SDK1: variants seen among roughly 807,000 people sequenced by gnomAD.
The protein encoded by SDK1 is sidekick cell adhesion molecule 1.
SDK1 carries 157 observed loss-of-function variants against 245.5 expected under a neutral mutation model. The ratio of observed to expected loss-of-function variants is 0.64; its 90% CI spans 0.56 to 0.73. SDK1 has a LOEUF of 0.73. Ranked by LOEUF, SDK1 falls within the 30% of genes least tolerant of loss-of-function variation. SDK1 has a pLI of 0.00. For missense variants in SDK1, 3,583 were observed against 3,002.3 expected, an observed-to-expected ratio of 1.19 and a Z score of -4.52; for synonymous variants, 1,647 against 1,278.5, an observed-to-expected ratio of 1.29 and a Z score of -6.15.
intron 25 of SDK1, 121 bp downstream of exon 25, chr7:4,114,395 G>A: frequency 1.3e-6 from 1 of 767,662 alleles, no homozygotes; most frequent in Non-Finnish European, 2.0e-6. Context: ...TGTCTGTCTT[G>A]GAGCTTTCCT....
At chr7:3,587,757 CA>C in intron 1 of SDK1, among the ~76,000 whole-genome samples, 1 of 152,362 alleles carries the variant, frequency 6.6e-6, no homozygotes, top group South Asian at 2.1e-4. Context: ...CTCAAGTTGA[CA>C]AAAGTACACT....
At chr7:3,963,005 C>T (rs1489035721) in intron 9 of SDK1, among the ~76,000 whole-genome samples, 154 bp downstream of exon 9, 2 of 128,740 alleles carry the variant, frequency 1.6e-5, no homozygotes, top group Non-Finnish European at 3.2e-5. Context: ...CCATGGCTAC[C>T]TGGATGTAAC....
chr7:3,662,209 A>C (rs1008664373), intron 4 of SDK1, among the ~76,000 whole-genome samples: 3 of 152,182 alleles, frequency 2.0e-5, no homozygotes, highest in Non-Finnish European at 4.4e-5. Flanking sequence ...GGTAAAATGG[A>C]ACTGATGGAT....
chr7:4,078,074 A>T (rs756322216), intron 21 of SDK1, among the ~76,000 whole-genome samples: 1 of 152,232 alleles, frequency 6.6e-6, no homozygotes, highest in Non-Finnish European at 1.5e-5. Flanking sequence ...TCTGACGCAC[A>T]CTACGTCTGG....
intron 1 of SDK1, among the ~76,000 whole-genome samples, chr7:3,417,168 C>G (rs151189693): frequency 2.2e-3 from 329 of 152,226 alleles, no homozygotes; most frequent in African/African-American, 6.5e-3. Context: ...GAGCTAAACT[C>G]TGTATAAAAA....
intron 1 of SDK1, among the ~76,000 whole-genome samples, chr7:3,314,102 C>T (rs1779610363): frequency 6.6e-6 from 1 of 152,114 alleles, no homozygotes. Context: ...CTGGAGAGCC[C>T]TTTAAGCCAT....
chr7:3,628,530 G>T (rs557128737), intron 2 of SDK1, among the ~76,000 whole-genome samples: 1 of 152,044 alleles, frequency 6.6e-6, no homozygotes, highest in African/African-American at 2.4e-5. Flanking sequence ...GGGGCTACTA[G>T]AGACTCCCCA....
intron 5 of SDK1, among the ~76,000 whole-genome samples, chr7:3,835,801 G>A (rs1053771446): frequency 8.4e-4 from 127 of 151,242 alleles, no homozygotes; most frequent in African/African-American, 2.9e-3. Flanking sequence ...AGACAAACAA[G>A]CAATTTCAAT....
At chr7:3,381,650 T>C (rs1450148183) in intron 1 of SDK1, among the ~76,000 whole-genome samples, 3 of 152,136 alleles carry the variant, frequency 2.0e-5, no homozygotes, top group Non-Finnish European at 2.9e-5. Context: ...GATTGTATTT[T>C]CCAACGGAGG....
chr7:3,745,017 C>T (rs564209595), intron 4 of SDK1, among the ~76,000 whole-genome samples: 131 of 152,148 alleles, frequency 8.6e-4, no homozygotes, highest in Admixed American at 2.5e-3. Context: ...CAGATTAAAC[C>T]GGCCTCCATG....
chr7:3,566,715 A>C (rs1562567658), intron 1 of SDK1, among the ~76,000 whole-genome samples: 2 of 150,136 alleles, frequency 1.3e-5, no homozygotes, highest in South Asian at 2.1e-4. Flanking sequence ...GCAAGAAACT[A>C]CTGCCAAAAA....
At chr7:3,941,356 C>T (rs1365693972) in intron 5 of SDK1, among the ~76,000 whole-genome samples, 1 of 152,088 alleles carries the variant, frequency 6.6e-6, no homozygotes, top group Non-Finnish European at 1.5e-5. Context: ...GGCTTTCCTC[C>T]TTGACGCCCT....
chr7:3,523,876 C>G (rs1783028005), intron 1 of SDK1, among the ~76,000 whole-genome samples: 1 of 152,182 alleles, frequency 6.6e-6, no homozygotes, highest in Admixed American at 6.5e-5. Flanking sequence ...TTTCTACCCC[C>G]TTATGTGGCA....
intron 1 of SDK1, among the ~76,000 whole-genome samples, chr7:3,485,134 T>C (rs981034799): frequency 2.6e-5 from 4 of 152,216 alleles, no homozygotes; most frequent in African/African-American, 9.6e-5. Flanking sequence ...CGTATGAACA[T>C]TCTTTTTCTC....
At chr7:3,568,493 G>T (rs950800578) in intron 1 of SDK1, among the ~76,000 whole-genome samples, 1 of 152,066 alleles carries the variant, frequency 6.6e-6, no homozygotes, top group African/African-American at 2.4e-5. Flanking sequence ...TCCCTAAAAT[G>T]ATTAACATTC....
chr7:3,525,416 C>T (rs1444392787), intron 1 of SDK1, among the ~76,000 whole-genome samples: 5 of 152,104 alleles, frequency 3.3e-5, no homozygotes, highest in African/African-American at 1.2e-4. Flanking sequence ...CAGTGTCTCC[C>T]TTTTCTTGTG....
In SDK1 at chr7:4,118,754, T is replaced by G. The variant is rs758111447; in HGVS notation, c.3823+4480T>G. 7.4e-5 allele frequency among the ~76,000 whole-genome samples: 11 copies of G among 149,072 alleles called. 1 individual carries two copies. Among genetic ancestry groups the G allele is most frequent in the Non-Finnish European group, 1.3e-4 (9 of 66,784 alleles). ...TGGATGATTCAGCAATAAAAAGGAA[T>G]GGAATTCTGATACATGCTACAGTGT... On this transcript the variant is annotated intron_variant, in intron 25 of 44. Transcript: ENST00000404826.
intron 1 of SDK1, among the ~76,000 whole-genome samples, chr7:3,531,984 A>C (rs1922019): frequency 2.0e-5 from 3 of 152,208 alleles, no homozygotes; most frequent in Non-Finnish European, 2.9e-5. Flanking sequence ...GGAATTTTCC[A>C]GGTAACTGAT....
intron 4 of SDK1, among the ~76,000 whole-genome samples, chr7:3,752,487 A>G (rs1193923925): frequency 6.6e-6 from 1 of 152,178 alleles, no homozygotes; most frequent in Non-Finnish European, 1.5e-5. Context: ...CTTGTTACTG[A>G]GCTTTGGGAA....
Sources: gnomAD v4.1 joint callset for allele counts (sites outside exome capture counted in the v4.1 genomes callset) on GRCh38, gnomAD v4.1.1 for gene constraint, MANE v1.5 for transcripts, NCBI Gene and HGNC (gene_info 2026-07-23, HGNC 2026-07-21) for gene names.